The following PHLPP1 variants were observed in gnomAD, a reference collection of about 807,000 sequenced individuals.
PHLPP1 encodes the protein PH domain and leucine rich repeat protein phosphatase 1, also known as PH domain leucine-rich repeat-containing protein phosphatase 1.
PHLPP1 carries 42 observed loss-of-function variants against 117.2 expected under a neutral mutation model. That is an observed-to-expected ratio of 0.36 (90% CI 0.28 to 0.46). The LOEUF (loss-of-function observed/expected upper bound fraction) is 0.46, where lower values mean the gene tolerates loss of function less well. Among genes scored for constraint, PHLPP1 ranks in the 20% least tolerant of loss-of-function variants. The probability of loss-of-function intolerance (pLI) is 1.00; values close to 1 mark genes in which losing one functional copy is unlikely to be tolerated. For synonymous variants in PHLPP1, 1,042 were observed against 970.7 expected, an observed-to-expected ratio of 1.07 and a Z score of -1.37; for missense variants, 2,084 against 2,241.9, an observed-to-expected ratio of 0.93 and a Z score of 1.42.
Position 62,916,605 on chromosome 18 carries a change from G to GGTGTGTGTGTGTGTGT in PHLPP1, c.2804+1608_2804+1623dup, listed in dbSNP as rs71340133. Among the ~76,000 whole-genome samples the GGTGTGTGTGTGTGTGT allele has an allele frequency of 6.0e-3, 873 of 145,830 alleles. 6 individuals carry two copies. Among genetic ancestry groups the GGTGTGTGTGTGTGTGT allele is most frequent in the African/African-American group, 0.02 (797 of 39,626 alleles). ...AGCCATCACCATTAACAAGAGGGTG[G>GGTGTGTGTGTGTGTGT]GTGTGTGTGTGTGTGTGTGTGTGTG... is the stretch of plus-strand genomic sequence containing the variant. On this transcript the variant is annotated intron_variant, in intron 9 of 16. Coordinates refer to ENST00000262719, the MANE Select transcript of PHLPP1 (RefSeq NM_194449.4).
intron 10 of PHLPP1, among the ~76,000 whole-genome samples, chr18:62,933,984 C>T (rs1366177671): frequency 3.3e-5 from 5 of 152,132 alleles, no homozygotes; most frequent in Non-Finnish European, 4.4e-5. Flanking sequence ...AAATGCTCAA[C>T]ATCACAATCA....
chr18:62,953,755 ACCTTGCAAGGGCAAGGAAAT>A (rs1252475482), intron 12 of PHLPP1, among the ~76,000 whole-genome samples: 1 of 152,184 alleles, frequency 6.6e-6, no homozygotes, highest in African/African-American at 2.4e-5. Flanking sequence ...AGCAGCTTTT[ACCTTGCAAGGGCAAGGAAAT>A]CCAGACTGTG....
intron 1 of PHLPP1, among the ~76,000 whole-genome samples, chr18:62,804,861 TTATACA>T (rs1331373171): frequency 1.3e-5 from 2 of 149,826 alleles, no homozygotes; most frequent in Non-Finnish European, 3.0e-5. Flanking sequence ...ACACTATATA[TTATACA>T]TATACAGTAT....
intron 9 of PHLPP1, among the ~76,000 whole-genome samples, chr18:62,918,631 A>G (rs886065840): frequency 2.0e-4 from 30 of 152,100 alleles, no homozygotes; most frequent in African/African-American, 7.2e-4. Context: ...GGTTGCTAGC[A>G]TCTTTGTGAG....
intron 3 of PHLPP1, among the ~76,000 whole-genome samples, chr18:62,841,180 G>A (rs865831609): frequency 2.6e-5 from 4 of 151,784 alleles, no homozygotes; most frequent in South Asian, 4.2e-4. Context: ...GAGCCACTGC[G>A]CCTGGCCTTT....
intron 13 of PHLPP1, 150 bp downstream of exon 13, chr18:62,958,909 A>G: frequency 1.2e-6 from 1 of 848,600 alleles, no homozygotes; most frequent in Admixed American, 2.8e-5. Flanking sequence ...GCAGGGAAGC[A>G]ATGAACAACC....
intron 1 of PHLPP1, among the ~76,000 whole-genome samples, chr18:62,754,150 C>A (rs1911941262): frequency 1.3e-5 from 2 of 152,218 alleles, no homozygotes; most frequent in Admixed American, 6.5e-5. Context: ...TAGATTCTGG[C>A]CTCTCAGTTG....
chr18:62,897,319 C>G (rs1041926493), intron 6 of PHLPP1, among the ~76,000 whole-genome samples: 1 of 152,112 alleles, frequency 6.6e-6, no homozygotes, highest in Non-Finnish European at 1.5e-5. Context: ...ATTCATAGTT[C>G]TAACTTGAGT....
intron 13 of PHLPP1, among the ~76,000 whole-genome samples, chr18:62,962,186 C>T (rs1910788464): frequency 6.6e-6 from 1 of 152,196 alleles, no homozygotes; most frequent in African/African-American, 2.4e-5. Flanking sequence ...TGGTAGCCAG[C>T]CTTTTAACAG....
Position 62,972,524 on chromosome 18 carries a change from G to A in PHLPP1, c.3571G>A (p.Ala1191Thr), listed in dbSNP as rs769808334. The A allele has an allele frequency of 9.9e-6, 16 of 1,612,174 alleles. No homozygotes were observed. Among genetic ancestry groups the A allele is most frequent in the African/African-American group, 1.3e-5 (1 of 74,866 alleles). ...GTGGTTGCCTTGCAGGTTGTGTGTC[G>A]CAGCCCTGTCGGTGAATAACTTCTG... is the stretch of plus-strand genomic sequence containing the variant. ...ASGVKNKLCV[A>T]ALSVNNFCDN... is the part of the protein sequence containing the mutation. The change falls in exon 15 of 17, where the codon GCA (alanine) becomes ACA (threonine). Residue 1191 changes from alanine to threonine, a missense_variant. This residue lies in a region of PHLPP1 where 1,365 missense variants were observed against 1,605.9 expected (regional missense o/e 0.85). Transcript: ENST00000262719.
At chr18:62,795,764 A>G (rs755432642) in intron 1 of PHLPP1, among the ~76,000 whole-genome samples, 1 of 152,128 alleles carries the variant, frequency 6.6e-6, no homozygotes, top group Non-Finnish European at 1.5e-5. Context: ...GACTTTTAAT[A>G]TGACCCCTAG....
intron 6 of PHLPP1, 80 bp from the exon 7 acceptor site, chr18:62,902,884 C>A (rs556825742): frequency 8.4e-6 from 7 of 832,218 alleles, no homozygotes; most frequent in Non-Finnish European, 1.4e-5. Context: ...AGTTCTTTCT[C>A]GCTATTTCTC....
At chr18:62,886,209 C>G (rs1435678668) in intron 4 of PHLPP1, among the ~76,000 whole-genome samples, 1 of 152,200 alleles carries the variant, frequency 6.6e-6, no homozygotes, top group Non-Finnish European at 1.5e-5. Context: ...ACCATCTCTT[C>G]CCTGTCCCCA....
intron 1 of PHLPP1, among the ~76,000 whole-genome samples, chr18:62,774,935 T>A (rs1290252752): frequency 6.6e-6 from 1 of 152,106 alleles, no homozygotes; most frequent in Non-Finnish European, 1.5e-5. Flanking sequence ...TTATAGCTAA[T>A]GTCTTAAAAA....
rs1003958813 is a variant in PHLPP1 at position 62,948,685 on chromosome 18, T to A, written c.3324+3414T>A. Among the ~76,000 whole-genome samples the A allele has an allele frequency of 1.4e-4, 21 of 152,110 alleles. 1 individual carries two copies. Among genetic ancestry groups the A allele is most frequent in the Middle Eastern group, 6.8e-3 (2 of 294 alleles). The stretch of plus-strand genomic sequence containing the variant: ...TTTGTTGTTGGGATTTTTTTTTTTT[T>A]TATACTTTAAGTTTTAGGGTACGTG... On this transcript the variant is annotated intron_variant, in intron 12 of 16. Coordinates refer to ENST00000262719, the MANE Select transcript of PHLPP1 (RefSeq NM_194449.4).
chr18:62,730,768 G>T (rs1382498691), intron 1 of PHLPP1, among the ~76,000 whole-genome samples: 1 of 151,112 alleles, frequency 6.6e-6, no homozygotes, highest in African/African-American at 2.4e-5. Flanking sequence ...CTCTAGCCTG[G>T]GCAATGAGCA....
chr18:62,886,174 A>G (rs1479745309), intron 4 of PHLPP1, among the ~76,000 whole-genome samples: 1 of 152,242 alleles, frequency 6.6e-6, no homozygotes, highest in African/African-American at 2.4e-5. Flanking sequence ...TAGTAATTTA[A>G]TAGTGATAGT....
At chr18:62,968,275 G>T (rs1334402356) in intron 14 of PHLPP1, among the ~76,000 whole-genome samples, 1 of 152,168 alleles carries the variant, frequency 6.6e-6, no homozygotes, top group Non-Finnish European at 1.5e-5. Context: ...AATGAGTTGG[G>T]AAGTGTTTCC....
intron 1 of PHLPP1, among the ~76,000 whole-genome samples, chr18:62,747,311 G>C (rs1394995539): frequency 7.6e-6 from 1 of 130,740 alleles, no homozygotes; most frequent in African/African-American, 2.9e-5. Flanking sequence ...TGGAAACAGA[G>C]TCTCGCTCTT....
Sources: allele counts gnomAD v4.1 joint callset (sites outside exome capture counted in the v4.1 genomes callset), GRCh38; gene constraint gnomAD v4.1.1; regional missense constraint gnomAD v4.1.1; transcripts MANE v1.5; gene names NCBI Gene and HGNC (gene_info 2026-07-23, HGNC 2026-07-21).